Variants in KLHL7 observed in about 807,000 individuals in gnomAD.
The protein encoded by KLHL7 is kelch like family member 7, also known as kelch-like protein 7.
In KLHL7, 44 loss-of-function variants were observed where a neutral mutation model predicts 67.4. The observed-to-expected ratio is 0.65, with a 90% CI of 0.51 to 0.84. The LOEUF (loss-of-function observed/expected upper bound fraction) is 0.84. KLHL7 is among the 40% of genes least tolerant of loss of function. The pLI is 0.00. For missense variants in KLHL7, 362 were observed against 718.1 expected (o/e 0.50, Z 5.67); for synonymous variants, 252 against 243.3 (o/e 1.04, Z -0.33).
intron 8 of KLHL7, among the ~76,000 whole-genome samples, chr7:23,166,512 G>T (rs1785007740): frequency 6.6e-6 from 1 of 152,108 alleles, no homozygotes; most frequent in Admixed American, 6.5e-5. Context: ...AAATGAATAG[G>T]TGCAGGCTAG....
intron 4 of KLHL7, among the ~76,000 whole-genome samples, chr7:23,127,445 G>A (rs73272076): frequency 0.017 from 2,582 of 152,176 alleles, 91 homozygotes; most frequent in African/African-American, 0.059. Context: ...TGAGCCAAGT[G>A]CCATAGCCCA....
chr7:23,113,117 G>C (rs550734433), intron 1 of KLHL7, among the ~76,000 whole-genome samples: 3 of 137,174 alleles, frequency 2.2e-5, no homozygotes, highest in African/African-American at 9.1e-5. Flanking sequence ...TCTATCCAGT[G>C]ATTTCTCTTT....
At chr7:23,124,963 CA>C (rs767102522) in intron 3 of KLHL7, 84 bp from the exon 4 acceptor site, 1 of 1,296,886 alleles carries the variant, frequency 7.7e-7, no homozygotes, top group Non-Finnish European at 1.1e-6. Context: ...TGTTTAATTT[CA>C]GGGGCTATTA....
intron 7 of KLHL7, among the ~76,000 whole-genome samples, chr7:23,163,576 A>C (rs978466093): frequency 2.0e-5 from 3 of 152,228 alleles, no homozygotes; most frequent in African/African-American, 7.2e-5. Context: ...CCTGGACTTC[A>C]AGTGGTAAGG....
At chr7:23,124,904 T>A (rs746457785) in intron 3 of KLHL7, 123 bp downstream of exon 3, 1 of 1,103,204 alleles carries the variant, frequency 9.1e-7, no homozygotes, top group Admixed American at 1.9e-5. Context: ...GATGGAAGAG[T>A]TTCAGTATCC....
At chr7:23,154,182 C>T (rs1033584502) in intron 7 of KLHL7, among the ~76,000 whole-genome samples, 7 of 152,154 alleles carry the variant, frequency 4.6e-5, no homozygotes, top group African/African-American at 1.7e-4. Flanking sequence ...GGTGAAACTC[C>T]GTCTCTACTA....
At chr7:23,161,970 A>G (rs1402175781) in intron 7 of KLHL7, among the ~76,000 whole-genome samples, 2 of 152,244 alleles carry the variant, frequency 1.3e-5, no homozygotes, top group Non-Finnish European at 2.9e-5. Context: ...AAGTGAAAAG[A>G]TACGGAGATT....
chr7:23,176,528 T>C lies in KLHL7; in HGVS notation c.*2230T>C, dbSNP rs1180094709. On this transcript the variant is annotated 3_prime_UTR_variant, in exon 11 of 11. Coordinates refer to ENST00000339077, the MANE Select transcript of KLHL7 (RefSeq NM_001031710.3). ...CTGTCTCTACAAAAAAATAAAAAGT[T>C]AGCAGGTGTGGTATATACCTGCAGT... is the stretch of plus-strand genomic sequence containing the variant. 1 of 151,996 alleles carries C rather than the reference T, an allele frequency of 6.6e-6. No homozygotes were observed. The highest frequency in any genetic ancestry group is 1.5e-5 in the Non-Finnish European group (1 of 67,990). The allele number at this position is 151,996 out of a possible 1,614,324, so 9.4% of individuals were successfully genotyped here.
In KLHL7 at chr7:23,106,068, C is replaced by A; in HGVS notation, c.42C>A (p.Thr14=). Residue 14 remains threonine (T), a synonymous_variant, in exon 1 of 11, where the codon ACC becomes ACA. Transcript: ENST00000339077. ...TGGAGAAGAGCAGCAAGAAGAAGAC[C>A]GAGAAGAAACTTGCTGCTCGGGAAG... ...SGVEKSSKKK[T]EKKLAAREEA... 2 of 1,609,442 alleles carry A rather than the reference C, an allele frequency of 1.2e-6. No homozygotes were observed. The highest frequency in any genetic ancestry group is 1.7e-6 in the Non-Finnish European group (2 of 1,178,284).
intron 7 of KLHL7, among the ~76,000 whole-genome samples, chr7:23,153,223 GC>G (rs899923044): frequency 0.047 from 384 of 8,172 alleles, no homozygotes; most frequent in Non-Finnish European, 0.14. Context: ...TCCTGAGGCG[GC>G]GGGGGGGCTA....
chr7:23,125,692 A>T (rs901273272), intron 4 of KLHL7: 5 of 1,417,066 alleles, frequency 3.5e-6, no homozygotes, highest in Non-Finnish European at 3.7e-6. Flanking sequence ...CTATAAATTA[A>T]GATACTAACT....
chr7:23,119,439 A>T (rs1263554835), intron 1 of KLHL7, among the ~76,000 whole-genome samples: 1 of 152,206 alleles, frequency 6.6e-6, no homozygotes, highest in Non-Finnish European at 1.5e-5. Flanking sequence ...TCCTCAAGTG[A>T]TCCACCCATC....
At chr7:23,106,258 C>T in intron 1 of KLHL7, 112 bp downstream of exon 1, 1 of 1,537,048 alleles carries the variant, frequency 6.5e-7, no homozygotes, top group Non-Finnish European at 8.8e-7. Flanking sequence ...CTTTCTCTGT[C>T]CTCGCCCCTC....
At chr7:23,135,258 T>C (rs565939097) in intron 4 of KLHL7, among the ~76,000 whole-genome samples, 33 of 152,348 alleles carry the variant, frequency 2.2e-4, no homozygotes, top group African/African-American at 7.9e-4. Flanking sequence ...CCTCTTGTTA[T>C]TAATATCTAG....
At position 23,117,081 on chromosome 7, in the gene KLHL7, C is replaced by CTTT. The variant is rs34692665; in HGVS notation, c.121-6674_121-6672dup. The stretch of plus-strand genomic sequence containing the variant: ...TCATAAAATTTTCCTAGAGCCAGGC[C>CTTT]TTTTTTTTTTTTTTTTTTTTTTTTG... On this transcript the variant is annotated intron_variant, in intron 1 of 10. Transcript: ENST00000339077. Among the ~76,000 whole-genome samples the CTTT allele has an allele frequency of 3.8e-3, 260 of 68,210 alleles. 15 individuals are homozygous for CTTT. Among genetic ancestry groups the CTTT allele is most frequent in the African/African-American group, 5.9e-3 (103 of 17,400 alleles). The allele number at this position is 68,210 out of a possible 152,430, so 44.7% of individuals were successfully genotyped here.
At chr7:23,137,479 ACTGT>A (rs1784019112) in intron 4 of KLHL7, among the ~76,000 whole-genome samples, 1 of 145,148 alleles carries the variant, frequency 6.9e-6, no homozygotes, top group Non-Finnish European at 1.5e-5. Flanking sequence ...AGTGACCAAA[ACTGT>A]CTTTTTTTTT....
rs144384140 is a variant in KLHL7 at position 23,151,895 on chromosome 7, C to T, written c.794-172C>T. Among the ~76,000 whole-genome samples the T allele has an allele frequency of 8.9e-3, 1,349 of 152,214 alleles. 19 individuals are homozygous for T. The highest frequency in any genetic ancestry group is 0.031 in the African/African-American group (1,267 of 41,496). ...GAGAATAAATGAATTGGTTAGTACT[C>T]GGATCCTTATGCATTTCTCCTGCCT... is the stretch of plus-strand genomic sequence containing the variant. On this transcript the variant is annotated intron_variant, in intron 6 of 10. Transcript: ENST00000339077.
intron 7 of KLHL7, among the ~76,000 whole-genome samples, chr7:23,162,010 C>T (rs1259309663): frequency 6.6e-6 from 1 of 152,174 alleles, no homozygotes; most frequent in East Asian, 1.9e-4. Flanking sequence ...ATCCTGCTAA[C>T]CTCCTGATTT....
chr7:23,109,623 C>T (rs145350150), intron 1 of KLHL7, among the ~76,000 whole-genome samples: 145 of 152,288 alleles, frequency 9.5e-4, no homozygotes, highest in Middle Eastern at 6.8e-3. Context: ...GCTCACCTTC[C>T]GGCTAAAATG....
Sources: allele counts gnomAD v4.1 joint callset (sites outside exome capture counted in the v4.1 genomes callset), GRCh38; gene constraint gnomAD v4.1.1; transcripts MANE v1.5; gene names NCBI Gene and HGNC (gene_info 2026-07-23, HGNC 2026-07-21).